Variants in FRAS1 observed in about 807,000 individuals in gnomAD.
FRAS1 encodes extracellular matrix organizing protein FRAS1.
In FRAS1, 290 loss-of-function variants were observed where a neutral mutation model predicts 435.2. The observed-to-expected ratio is 0.67, with a 90% CI of 0.61 to 0.73. FRAS1 has a LOEUF of 0.73. Among genes scored for constraint, FRAS1 ranks in the 30% least tolerant of loss-of-function variants. The probability of loss-of-function intolerance (pLI) is 0.00; values close to 1 mark genes in which losing one functional copy is unlikely to be tolerated. For synonymous variants in FRAS1, 1,800 were observed against 1,851.0 expected, an observed-to-expected ratio of 0.97 and a Z score of 0.71; for missense variants, 4,860 against 5,001.5, an observed-to-expected ratio of 0.97 and a Z score of 0.85.
At chr4:78,362,275 A>G (rs895800461) in intron 20 of FRAS1, among the ~76,000 whole-genome samples, 5 of 152,214 alleles carry the variant, frequency 3.3e-5, no homozygotes, top group Admixed American at 2.6e-4. Context: ...GAAGGCTGAG[A>G]CTGGTATACT....
At chr4:78,168,043 G>C (rs1003842081) in intron 2 of FRAS1, among the ~76,000 whole-genome samples, 1 of 151,186 alleles carries the variant, frequency 6.6e-6, no homozygotes, top group East Asian at 1.9e-4. Flanking sequence ...TTCAATAAAG[G>C]GAGTACCAGT....
chr4:78,183,102 A>G (rs942218972), intron 2 of FRAS1, among the ~76,000 whole-genome samples: 1 of 152,124 alleles, frequency 6.6e-6, no homozygotes, highest in Non-Finnish European at 1.5e-5. Flanking sequence ...TGATGTTGAG[A>G]CAGGGTCGAG....
chr4:78,095,730 C>T (rs1741770353), intron 2 of FRAS1, among the ~76,000 whole-genome samples: 1 of 152,212 alleles, frequency 6.6e-6, no homozygotes, highest in Admixed American at 6.5e-5. Context: ...GAGACTTATT[C>T]ACTATCACAA....
intron 10 of FRAS1, among the ~76,000 whole-genome samples, chr4:78,280,500 G>T (rs1727280874): frequency 6.6e-6 from 1 of 151,638 alleles, no homozygotes; most frequent in Non-Finnish European, 1.5e-5. Context: ...AGTTGACTGG[G>T]GTTAACTGAA....
At chr4:78,114,101 C>G (rs928814946) in intron 2 of FRAS1, among the ~76,000 whole-genome samples, 5 of 152,118 alleles carry the variant, frequency 3.3e-5, no homozygotes, top group Admixed American at 6.6e-5. Context: ...TTCCCCATTG[C>G]TTGTTTTTCT....
chr4:78,301,973 T>C (rs1728430253), intron 14 of FRAS1, among the ~76,000 whole-genome samples: 1 of 151,750 alleles, frequency 6.6e-6, no homozygotes, highest in Admixed American at 6.6e-5. Context: ...CATTTAGCAT[T>C]AGGTATATCT....
chr4:78,245,088 A>G (rs901157566), intron 3 of FRAS1, 145 bp from the exon 4 acceptor site: 9 of 640,936 alleles, frequency 1.4e-5, no homozygotes, highest in Non-Finnish European at 2.5e-5. Context: ...CCTTTTTTTC[A>G]GTCTATTCAT....
intron 36 of FRAS1, among the ~76,000 whole-genome samples, chr4:78,429,678 T>G (rs1734137324): frequency 6.6e-6 from 1 of 152,334 alleles, no homozygotes; most frequent in East Asian, 1.9e-4. Flanking sequence ...AATTAGTGAA[T>G]TTAATCTTTA....
intron 31 of FRAS1, among the ~76,000 whole-genome samples, chr4:78,408,737 G>A (rs1733199666): frequency 6.6e-6 from 1 of 152,146 alleles, no homozygotes; most frequent in Non-Finnish European, 1.5e-5. Flanking sequence ...ATATCAGATA[G>A]GTAGCATTAT....
At chr4:78,085,249 A>C (rs1741089218) in intron 2 of FRAS1, among the ~76,000 whole-genome samples, 1 of 152,092 alleles carries the variant, frequency 6.6e-6, no homozygotes, top group Admixed American at 6.6e-5. Context: ...GCATAGTTTT[A>C]ATTGTATTTC....
chr4:78,385,156 T>C (rs1268110134), intron 28 of FRAS1, among the ~76,000 whole-genome samples: 4 of 152,114 alleles, frequency 2.6e-5, no homozygotes, highest in African/African-American at 7.2e-5. Context: ...AAGTTGTACT[T>C]ACGGGTCCAG....
intron 2 of FRAS1, among the ~76,000 whole-genome samples, chr4:78,084,586 T>C (rs1463364975): frequency 1.3e-5 from 2 of 152,152 alleles, no homozygotes; most frequent in Admixed American, 1.3e-4. Context: ...CATCTTTGGA[T>C]AGTGAGAACC....
chr4:78,364,309 T>C (rs1392256720), intron 22 of FRAS1, among the ~76,000 whole-genome samples: 1 of 152,212 alleles, frequency 6.6e-6, no homozygotes, highest in Non-Finnish European at 1.5e-5. Flanking sequence ...TTGGGCAGGT[T>C]ATTTAACTTC....
intron 34 of FRAS1, among the ~76,000 whole-genome samples, chr4:78,422,907 A>T (rs1291050576): frequency 6.6e-6 from 1 of 152,186 alleles, no homozygotes; most frequent in Non-Finnish European, 1.5e-5. Context: ...GCAACCTTTT[A>T]GGATAAAACC....
intron 2 of FRAS1, among the ~76,000 whole-genome samples, chr4:78,197,607 G>A (rs779854351): frequency 1.3e-5 from 2 of 152,242 alleles, no homozygotes; most frequent in African/African-American, 4.8e-5. Context: ...AGAAGGTTGG[G>A]CAAGGAAAAA....
At chr4:78,520,115 C>T (rs1203831008) in intron 67 of FRAS1, among the ~76,000 whole-genome samples, 2 of 151,648 alleles carry the variant, frequency 1.3e-5, no homozygotes, top group African/African-American at 2.4e-5. Flanking sequence ...CCACACCTCA[C>T]CCCCACTCAG....
chr4:78,315,295 C>T (rs577686552), intron 15 of FRAS1, among the ~76,000 whole-genome samples: 3 of 152,230 alleles, frequency 2.0e-5, no homozygotes, highest in East Asian at 1.9e-4. Flanking sequence ...ACCTGGCAAC[C>T]GCACCTCTAA....
intron 2 of FRAS1, among the ~76,000 whole-genome samples, chr4:78,182,897 A>AG (rs1491470367): frequency 0.18 from 4,097 of 22,908 alleles, 176 homozygotes; most frequent in African/African-American, 0.31. Flanking sequence ...AGAAAAAAAG[A>AG]AAAAAAAAAA....
chr4:78,360,496 T>C (rs1177051691), intron 20 of FRAS1, among the ~76,000 whole-genome samples: 4 of 152,114 alleles, frequency 2.6e-5, no homozygotes, highest in African/African-American at 7.2e-5. Context: ...TGGAATAATA[T>C]TGAAAATTGG....
Sources: allele counts gnomAD v4.1 joint callset (sites outside exome capture counted in the v4.1 genomes callset), GRCh38; gene constraint gnomAD v4.1.1; transcripts MANE v1.5; gene names NCBI Gene and HGNC (gene_info 2026-07-23, HGNC 2026-07-21).